The following CCDC88A variants were observed in gnomAD, a reference collection of about 807,000 sequenced individuals.
CCDC88A encodes coiled-coil and HOOK domain protein 88A, also known as girdin.
A neutral mutation model predicts 234.3 loss-of-function variants in CCDC88A; 54 were observed. The observed-to-expected ratio is 0.23, with a 90% CI of 0.19 to 0.29. The LOEUF (loss-of-function observed/expected upper bound fraction) is 0.29. Ranked by LOEUF, CCDC88A falls within the 10% of genes least tolerant of loss-of-function variation. The pLI is 1.00. For synonymous variants in CCDC88A, 753 were observed against 737.8 expected (o/e 1.02, Z -0.33); for missense variants, 1,832 against 2,123.4 (o/e 0.86, Z 2.70).
Position 55,296,249 on chromosome 2 carries a change from A to C in CCDC88A, c.5091+9T>G, listed in dbSNP as rs1242623400. 1.9e-6 allele frequency: 3 copies of C among 1,611,298 alleles called. No individual in the cohort carries two copies. The highest frequency in any genetic ancestry group is 2.5e-6 in the Non-Finnish European group (3 of 1,178,774). On this transcript the variant is annotated intron_variant, in intron 30 of 32. Coordinates refer to ENST00000436346, the MANE Select transcript of CCDC88A (RefSeq NM_001365480.1). ...CATCTAAATTAAGGTCATCATAGATAAAACTAACCTGTACTGAGGTAAGCT... is the reference window on the plus strand; with the variant it reads ...CATCTAAATTAAGGTCATCATAGATCAAACTAACCTGTACTGAGGTAAGCT...
intron 13 of CCDC88A, 79 bp downstream of exon 13, chr2:55,339,385 A>T (rs1365326759): frequency 3.4e-6 from 4 of 1,190,984 alleles, no homozygotes; most frequent in African/African-American, 1.7e-5. Context: ...GCATTTAAAA[A>T]GTGGAAAATA....
intron 3 of CCDC88A, among the ~76,000 whole-genome samples, chr2:55,388,232 T>C (rs1289814512): frequency 6.6e-6 from 1 of 152,140 alleles, no homozygotes; most frequent in Non-Finnish European, 1.5e-5. Context: ...ACTTGAAAAA[T>C]ACCATGTTCA....
intron 2 of CCDC88A, among the ~76,000 whole-genome samples, chr2:55,396,830 A>G (rs986086625): frequency 1.5e-4 from 21 of 138,192 alleles, no homozygotes; most frequent in African/African-American, 5.6e-4. Context: ...AGATCACGCC[A>G]CTGCACTGCA....
At chr2:55,308,655 TGTACACTAATGCA>T in intron 25 of CCDC88A, 141 bp downstream of exon 25, 1 of 613,264 alleles carries the variant, frequency 1.6e-6, no homozygotes, top group East Asian at 2.8e-5. Context: ...ATTGTGTGGC[TGTACACTAATGCA>T]GTACACAATT....
chr2:55,350,079 G>T (rs188908285), intron 8 of CCDC88A: 2 of 152,268 alleles, frequency 1.3e-5, no homozygotes. Context: ...GCCACTATGC[G>T]GGCTAATTTT....
At chr2:55,401,499 CATATATATATATAT>C (rs70954117) in intron 2 of CCDC88A, among the ~76,000 whole-genome samples, 19,692 of 54,554 alleles carry the variant, frequency 0.36, 4,263 homozygotes, top group Non-Finnish European at 0.44. Flanking sequence ...TGTGTGTATA[CATATATATATATAT>C]ATATATATAT....
intron 29 of CCDC88A, chr2:55,297,285 ATATATATAATTTATATAT>A (rs1680172433): frequency 1.2e-4 from 1 of 8,254 alleles, no homozygotes. Flanking sequence ...ATTATATATA[ATATATATAATTTATATAT>A]AATTATATAT....
rs544388298 is a variant in CCDC88A, at chr2:55,416,160, G to C, written c.164+2656C>G. 7.3e-4 allele frequency among the ~76,000 whole-genome samples: 110 copies of C among 151,670 alleles called. 2 individuals carry two copies. In the South Asian group the frequency reaches 0.022, roughly 30 times the overall value. On this transcript the variant is annotated intron_variant, in intron 2 of 32. Coordinates refer to ENST00000436346, the MANE Select transcript of CCDC88A (RefSeq NM_001365480.1). ...TTCAAGAAGCTAGAGAAAAGACAGA[G>C]CATGAAAAACATAGACATGGAAGAT...
intron 7 of CCDC88A, among the ~76,000 whole-genome samples, chr2:55,356,984 G>A (rs1218357543): frequency 1.3e-5 from 2 of 152,200 alleles, no homozygotes; most frequent in Admixed American, 6.5e-5. Context: ...ATTACTGTAT[G>A]CACTGGGACA....
chr2:55,408,535 G>A (rs910372557), intron 2 of CCDC88A, among the ~76,000 whole-genome samples: 2 of 152,106 alleles, frequency 1.3e-5, no homozygotes, highest in Non-Finnish European at 2.9e-5. Context: ...AGTGTCCTCT[G>A]GTTGTCCTCA....
intron 18 of CCDC88A, 44 bp from the exon 19 acceptor site, chr2:55,319,048 C>G: frequency 6.6e-7 from 1 of 1,520,398 alleles, no homozygotes; most frequent in Non-Finnish European, 9.0e-7. Context: ...ACAATAATGG[C>G]AACATCAAAT....
intron 29 of CCDC88A, among the ~76,000 whole-genome samples, chr2:55,297,329 A>ATTTATATATT (rs1553385696): frequency 6.5e-5 from 1 of 15,354 alleles, no homozygotes; most frequent in Non-Finnish European, 2.3e-4. Flanking sequence ...TATAATATAT[A>ATTTATATATT]ATATATAAAT....
intron 18 of CCDC88A, among the ~76,000 whole-genome samples, chr2:55,322,317 C>T (rs1683738805): frequency 6.6e-6 from 1 of 152,070 alleles, no homozygotes; most frequent in African/African-American, 2.4e-5. Context: ...TACCCAAATG[C>T]TGAGGGAAGC....
chr2:55,418,535 G>C (rs1266557872), intron 2 of CCDC88A: 1 of 402,284 alleles, frequency 2.5e-6, no homozygotes. Context: ...AATTATCAAA[G>C]AATACACAAT....
At chr2:55,343,986 A>G in intron 11 of CCDC88A, 194 bp from the exon 12 acceptor site, 1 of 450,120 alleles carries the variant, frequency 2.2e-6, no homozygotes, top group Non-Finnish European at 3.8e-6. Context: ...CATCCTTTTA[A>G]GCTGATCTTT....
At chr2:55,383,485 T>C (rs1674946588) in intron 3 of CCDC88A, among the ~76,000 whole-genome samples, 1 of 151,558 alleles carries the variant, frequency 6.6e-6, no homozygotes, top group African/African-American at 2.4e-5. Flanking sequence ...TAGCCAGGTG[T>C]GGTGGCAGGT....
At chr2:55,391,006 T>C (rs907258204) in intron 2 of CCDC88A, among the ~76,000 whole-genome samples, 3 of 152,164 alleles carry the variant, frequency 2.0e-5, no homozygotes, top group African/African-American at 7.2e-5. Flanking sequence ...CCAAGAAAAT[T>C]TTGGCTAAAC....
Position 55,344,498 on chromosome 2 carries a change from T to C in CCDC88A, c.1058A>G (p.Asn353Ser), listed in dbSNP as rs758951422. ...KARVEELKED[N>S]QVLLETKTML... The stretch of plus-strand genomic sequence containing the variant: ...GGTTTTTGTTTCTAATAAAACTTGA[T>C]TGTCTTCTTTTAATTCCTATAAATG... Residue 353 changes from asparagine (N) to serine (S), a missense_variant, in exon 11 of 33, where the codon AAT becomes AGT. Coordinates refer to ENST00000436346, the MANE Select transcript of CCDC88A (RefSeq NM_001365480.1). 1.9e-6 allele frequency: 3 copies of C among 1,547,562 alleles called. No individual in the cohort carries two copies. The highest frequency in any genetic ancestry group is 1.8e-6 in the Non-Finnish European group (2 of 1,136,922).
At chr2:55,353,200 T>C (rs1378884932) in intron 8 of CCDC88A, among the ~76,000 whole-genome samples, 1 of 152,206 alleles carries the variant, frequency 6.6e-6, no homozygotes, top group African/African-American at 2.4e-5. Context: ...TCCAAGTAAA[T>C]TTTATTTAAA....
Sources: gnomAD v4.1 joint callset for allele counts (sites outside exome capture counted in the v4.1 genomes callset) on GRCh38, gnomAD v4.1.1 for gene constraint, MANE v1.5 for transcripts, NCBI Gene and HGNC (gene_info 2026-07-23, HGNC 2026-07-21) for gene names.